Variants in CNTNAP3B observed in about 807,000 individuals in gnomAD.
CNTNAP3B encodes contactin-associated protein-like 3B.
CNTNAP3B carries 25 observed loss-of-function variants against 108.9 expected under a neutral mutation model. The ratio of observed to expected loss-of-function variants is 0.23; its 90% CI spans 0.17 to 0.32. CNTNAP3B has a LOEUF of 0.32. Among genes scored for constraint, CNTNAP3B ranks in the 10% least tolerant of loss-of-function variants. The pLI, the probability that CNTNAP3B is intolerant of heterozygous loss-of-function variation, is 1.00. For synonymous variants in CNTNAP3B, 103 were observed against 473.4 expected, an observed-to-expected ratio of 0.22 and a Z score of 10.16; for missense variants, 252 against 1,210.4, an observed-to-expected ratio of 0.21 and a Z score of 11.75.
chr9:42,035,394 A>G (rs1362797272), intron 3 of CNTNAP3B, among the ~76,000 whole-genome samples: 1 of 146,254 alleles, frequency 6.8e-6, no homozygotes, highest in Non-Finnish European at 1.5e-5. Flanking sequence ...TCAATGACAG[A>G]GCTGGATTCT....
intron 13 of CNTNAP3B, among the ~76,000 whole-genome samples, chr9:41,938,783 T>C (rs1302472261): frequency 1.3e-5 from 2 of 152,286 alleles, no homozygotes; most frequent in Non-Finnish European, 2.9e-5. Flanking sequence ...GAAAGTTTAA[T>C]ATTATACAAA....
chr9:41,955,750 G>C (rs1587142035), intron 12 of CNTNAP3B, among the ~76,000 whole-genome samples: 1 of 152,304 alleles, frequency 6.6e-6, no homozygotes, highest in East Asian at 1.9e-4. Flanking sequence ...GAGGGTAACT[G>C]TAACACGTTG....
intron 13 of CNTNAP3B, among the ~76,000 whole-genome samples, chr9:41,942,900 T>A (rs1824403515): frequency 6.6e-6 from 1 of 152,218 alleles, no homozygotes; most frequent in African/African-American, 2.4e-5. Context: ...AAACCTTACA[T>A]TAAAGGCTTC....
At chr9:41,977,651 T>C (rs1436584706) in intron 9 of CNTNAP3B, among the ~76,000 whole-genome samples, 3 of 130,172 alleles carry the variant, frequency 2.3e-5, no homozygotes, top group Non-Finnish European at 4.8e-5. Flanking sequence ...GGCGTCTCAC[T>C]CTGTCACCCA....
chr9:42,071,236 G>T (rs144413019), intron 3 of CNTNAP3B, among the ~76,000 whole-genome samples: 2 of 146,444 alleles, frequency 1.4e-5, no homozygotes, highest in African/African-American at 5.3e-5. Flanking sequence ...GTGTACGTGC[G>T]TGTCTGCGTG....
intron 13 of CNTNAP3B, among the ~76,000 whole-genome samples, chr9:41,940,650 A>C (rs1175910906): frequency 6.6e-6 from 1 of 152,260 alleles, no homozygotes; most frequent in Non-Finnish European, 1.5e-5. Context: ...CCCCGTCTCT[A>C]CTAAAAATAC....
At chr9:42,035,992 C>T (rs1300644563) in intron 3 of CNTNAP3B, among the ~76,000 whole-genome samples, 2 of 144,586 alleles carry the variant, frequency 1.4e-5, no homozygotes, top group Admixed American at 1.4e-4. Flanking sequence ...CCTGTAGTCC[C>T]AGCTACTCGG....
chr9:41,952,730 CG>C (rs1290103623), intron 13 of CNTNAP3B, among the ~76,000 whole-genome samples: 1 of 150,400 alleles, frequency 6.6e-6, no homozygotes, highest in Non-Finnish European at 1.5e-5. Context: ...GTGAAAGTGG[CG>C]GGGCTGAGGA....
At chr9:42,124,109 G>T in intron 1 of CNTNAP3B, among the ~76,000 whole-genome samples, 1 of 138,430 alleles carries the variant, frequency 7.2e-6, no homozygotes, top group South Asian at 2.3e-4. Flanking sequence ...AATTAAGTAG[G>T]CATGCTACTT....
At chr9:42,089,889 G>C (rs1827781602) in intron 2 of CNTNAP3B, among the ~76,000 whole-genome samples, 1 of 139,830 alleles carries the variant, frequency 7.2e-6, no homozygotes, top group Non-Finnish European at 1.5e-5. Context: ...CTCCCTGATT[G>C]TACTCTGCAC....
chr9:42,113,444 C>T (rs893735988), intron 1 of CNTNAP3B, among the ~76,000 whole-genome samples: 2 of 139,490 alleles, frequency 1.4e-5, no homozygotes, highest in African/African-American at 2.8e-5. Context: ...TAAGACGAAC[C>T]TATTTTTTTG....
At chr9:41,932,234 G>A (rs1256539070) in intron 14 of CNTNAP3B, among the ~76,000 whole-genome samples, 1 of 152,086 alleles carries the variant, frequency 6.6e-6, no homozygotes, top group South Asian at 2.1e-4. Context: ...TGGAAATAGT[G>A]CTTTCATAGG....
rs1214326050 is a variant in CNTNAP3B, at chr9:41,934,122, T to TATATATATATATATATATACACAC, written c.2237+4121_2237+4122insGTGTGTATATATATATATATATAT. Reference sequence around the variant, plus strand: ...TTACATATATATATATATATATATATACACACACATATATATATACACACA... The same window carrying TATATATATATATATATATACACAC: ...TTACATATATATATATATATATATATATATATATATATATATATACACACACACACACATATATATATACACACA... On this transcript the variant is annotated intron_variant, in intron 14 of 23. Transcript: ENST00000377561. Among the ~76,000 whole-genome samples the TATATATATATATATATATACACAC allele has an allele frequency of 9.8e-3, 700 of 71,682 alleles. 5 individuals carry two copies. Among genetic ancestry groups the TATATATATATATATATATACACAC allele is most frequent in the Admixed American group, 0.016 (106 of 6,772 alleles). The allele number at this position is 71,682 out of a possible 152,430, so 47.0% of individuals were successfully genotyped here. A position where few individuals can be genotyped will look rare whatever the true frequency, so the allele number is the denominator to read the frequency against.
At chr9:42,064,153 AG>A (rs1827225087) in intron 3 of CNTNAP3B, among the ~76,000 whole-genome samples, 1 of 145,272 alleles carries the variant, frequency 6.9e-6, no homozygotes, top group Non-Finnish European at 1.5e-5. Flanking sequence ...AGAATTTGTT[AG>A]TTTTTTGTAT....
intron 3 of CNTNAP3B, among the ~76,000 whole-genome samples, chr9:42,016,692 G>A (rs1435201478): frequency 6.6e-6 from 1 of 151,976 alleles, no homozygotes; most frequent in African/African-American, 2.4e-5. Flanking sequence ...TTACAGCTCT[G>A]TGGAGAGTGA....
chr9:41,938,535 C>T (rs1037325677), intron 13 of CNTNAP3B, 135 bp from the exon 14 acceptor site: 8 of 1,353,190 alleles, frequency 5.9e-6, no homozygotes, highest in Non-Finnish European at 8.0e-6. Flanking sequence ...TATACTTAAA[C>T]ACTTGTATTT....
At chr9:41,942,083 T>C (rs1824364427) in intron 13 of CNTNAP3B, among the ~76,000 whole-genome samples, 1 of 152,294 alleles carries the variant, frequency 6.6e-6, no homozygotes, top group Non-Finnish European at 1.5e-5. Flanking sequence ...CTACCCTTCT[T>C]TTCTTACCCA....
chr9:42,047,814 G>T (rs1009022297), intron 3 of CNTNAP3B, among the ~76,000 whole-genome samples: 1 of 114,186 alleles, frequency 8.8e-6, no homozygotes, highest in African/African-American at 3.7e-5. Context: ...AGTGTTTTAG[G>T]ACCAACCACT....
At chr9:42,122,537 C>T (rs1022407489) in intron 1 of CNTNAP3B, among the ~76,000 whole-genome samples, 1 of 128,704 alleles carries the variant, frequency 7.8e-6, no homozygotes. Context: ...ATCATAAACC[C>T]TATATTTGAA....
Sources: allele counts gnomAD v4.1 joint callset (sites outside exome capture counted in the v4.1 genomes callset), GRCh38; gene constraint gnomAD v4.1.1; transcripts MANE v1.5; gene names NCBI Gene and HGNC (gene_info 2026-07-23, HGNC 2026-07-21).